The following GLCCI1 variants were observed in gnomAD, a reference collection of about 807,000 sequenced individuals.
GLCCI1 encodes glucocorticoid induced 1, also known as glucocorticoid-induced transcript 1 protein.
GLCCI1 carries 24 observed loss-of-function variants against 52.2 expected under a neutral mutation model. The ratio of observed to expected loss-of-function variants is 0.46; its 90% CI spans 0.33 to 0.65. GLCCI1 has a LOEUF of 0.65. Among genes scored for constraint, GLCCI1 ranks in the 30% least tolerant of loss-of-function variants. GLCCI1 has a pLI of 0.02. For missense variants in GLCCI1, 704 were observed against 701.5 expected (o/e 1.00, Z -0.04); for synonymous variants, 310 against 276.5 (o/e 1.12, Z -1.20).
chr7:7,999,869 C>T (rs1781018608), intron 1 of GLCCI1, among the ~76,000 whole-genome samples: 1 of 152,134 alleles, frequency 6.6e-6, no homozygotes, highest in Non-Finnish European at 1.5e-5. Flanking sequence ...TGCCACTGTC[C>T]TCTAGCCCTG....
rs1352295169 is a variant in GLCCI1 at position 7,969,823 on chromosome 7, C to G, written c.457+16C>G. On this transcript the variant is annotated intron_variant, in intron 1 of 7. Transcript: ENST00000223145. The surrounding 1 kb of genome is among the most constrained non-coding windows in gnomAD (Gnocchi z 4.9). ...GTGTGCAGAGGTAGCGAGCCCAACC[C>G]TCCCGTCCTCCCGGGCTGCGTCTCC... 5 of 1,425,816 alleles carry G rather than the reference C, an allele frequency of 3.5e-6. No homozygotes were observed. The highest frequency in any genetic ancestry group is 4.6e-6 in the Non-Finnish European group (5 of 1,088,016). The allele number at this position is 1,425,816 out of a possible 1,614,324, so 88.3% of individuals were successfully genotyped here.
At chr7:8,017,592 C>G (rs1431788536) in intron 2 of GLCCI1, among the ~76,000 whole-genome samples, 1 of 152,080 alleles carries the variant, frequency 6.6e-6, no homozygotes, top group East Asian at 1.9e-4. Flanking sequence ...CACTTTGAAA[C>G]TGGTCTAACA....
In GLCCI1 at chr7:8,060,187, T is replaced by TAAA; in HGVS notation, c.907_908insAAA (p.Ile302_Ser303insLys). 1.2e-6 allele frequency: 2 copies of TAAA among 1,612,832 alleles called. No homozygotes were observed. Among genetic ancestry groups the TAAA allele is most frequent in the Non-Finnish European group, 1.7e-6 (2 of 1,178,894 alleles). Reference sequence around the variant, plus strand: ...CGTGTGCCCTGCAATGTAGAAGGAATAAGTCCTGAATTAGAAAAGGTATTC... The same window carrying TAAA: ...CGTGTGCCCTGCAATGTAGAAGGAATAAAAAGTCCTGAATTAGAAAAGGTATTC... On this transcript the variant is annotated inframe_insertion, in exon 5 of 8. Coordinates refer to ENST00000223145, the MANE Select transcript of GLCCI1 (RefSeq NM_138426.4).
chr7:8,060,128 G>T lies in GLCCI1; in HGVS notation c.846G>T (p.Leu282=), dbSNP rs773535016. Residue 282 remains leucine, a synonymous_variant, in exon 5 of 8, where the codon CTG becomes CTT. Transcript: ENST00000223145. Reference sequence around the variant, plus strand: ...GATCAAGGTCAGTTCCTATGCCACTGTCAAATATATCAGTGCCAAAATCAT... The same window carrying T: ...GATCAAGGTCAGTTCCTATGCCACTTTCAAATATATCAGTGCCAAAATCAT... ...ATGSRSVPMP[L]SNISVPKSSV... 1 of 1,613,500 alleles carries T rather than the reference G, an allele frequency of 6.2e-7. No individual in the cohort carries two copies. Among genetic ancestry groups the T allele is most frequent in the Non-Finnish European group, 8.5e-7 (1 of 1,179,760 alleles).
chr7:8,037,571 T>G (rs1054841032), intron 3 of GLCCI1, among the ~76,000 whole-genome samples: 1 of 152,060 alleles, frequency 6.6e-6, no homozygotes, highest in Non-Finnish European at 1.5e-5. Flanking sequence ...CATAAATGGG[T>G]TAAATGCTCC....
Position 8,023,588 on chromosome 7 carries a change from C to CTTTTTTTTTTT in GLCCI1, c.696+1037_696+1047dup. Among the ~76,000 whole-genome samples, 329 of 41,986 alleles carry CTTTTTTTTTTT rather than the reference C, an allele frequency of 7.8e-3. 86 individuals carry two copies. The highest frequency in any genetic ancestry group is 0.042 in the Middle Eastern group (1 of 24). 27.5% of individuals were successfully genotyped at this position (41,986 alleles called of 152,430 possible). The stretch of plus-strand genomic sequence containing the variant: ...AGATGGTCATCTAATCTCTGTTATT[C>CTTTTTTTTTTT]TTTTTTTTTTTTTTTTTTTTTTTTT... On this transcript the variant is annotated intron_variant, in intron 3 of 7. Transcript: ENST00000223145.
chr7:7,976,498 AGGAAAGG>A lies in GLCCI1; in HGVS notation c.457+6692_457+6698del, dbSNP rs1385286277. On this transcript the variant is annotated intron_variant, in intron 1 of 7. Transcript: ENST00000223145. ...CCATCTCAAAAAAAAAAAAAAAAAAAGGAAAGGAAAAAGGAAAGGAGAAAGGAAAAAG... is the reference window on the plus strand; with the variant it reads ...CCATCTCAAAAAAAAAAAAAAAAAAAAAAAAGGAAAGGAGAAAGGAAAAAG... Among the ~76,000 whole-genome samples, 502 of 133,012 alleles carry A rather than the reference AGGAAAGG, an allele frequency of 3.8e-3. 3 individuals are homozygous for A. The highest frequency in any genetic ancestry group is 8.9e-3 in the African/African-American group (291 of 32,514). 87.3% of individuals were successfully genotyped at this position (133,012 alleles called of 152,430 possible).
chr7:8,048,642 A>G (rs1782189015), intron 3 of GLCCI1, among the ~76,000 whole-genome samples: 1 of 152,110 alleles, frequency 6.6e-6, no homozygotes, highest in African/African-American at 2.4e-5. Context: ...TAGGTATTAG[A>G]TTTGATTTTA....
At chr7:8,023,004 T>C (rs1049417022) in intron 3 of GLCCI1, among the ~76,000 whole-genome samples, 1 of 152,156 alleles carries the variant, frequency 6.6e-6, no homozygotes, top group African/African-American at 2.4e-5. Flanking sequence ...GGTAGGATAG[T>C]GTTTTCTGTT....
rs559599339 is a variant in GLCCI1 at position 8,078,102 on chromosome 7, C to T, written c.1178-6795C>T. The stretch of plus-strand genomic sequence containing the variant: ...ACAAAAAATGAGCCGGGCGTGGTGG[C>T]GGGCACCTGTAGTCCCAGCTACTCG... On this transcript the variant is annotated intron_variant, in intron 6 of 7. Transcript: ENST00000223145. 6.7e-5 allele frequency among the ~76,000 whole-genome samples: 10 copies of T among 149,082 alleles called. No individual in the cohort carries two copies. In the East Asian group the frequency reaches 8.2e-4, roughly 12 times the overall value.
chr7:7,983,763 G>A (rs190572846), intron 1 of GLCCI1, among the ~76,000 whole-genome samples: 2 of 152,178 alleles, frequency 1.3e-5, no homozygotes, highest in African/African-American at 4.8e-5. Flanking sequence ...GATTATATTT[G>A]TGTTGCCCAT....
intron 1 of GLCCI1, among the ~76,000 whole-genome samples, chr7:7,982,632 C>T (rs1780645503): frequency 6.6e-6 from 1 of 152,000 alleles, no homozygotes; most frequent in Non-Finnish European, 1.5e-5. Flanking sequence ...CCCCTAAGAA[C>T]CCTCTCCCTC....
At chr7:7,984,367 T>C (rs1006770110) in intron 1 of GLCCI1, among the ~76,000 whole-genome samples, 1 of 152,208 alleles carries the variant, frequency 6.6e-6, no homozygotes, top group Non-Finnish European at 1.5e-5. Context: ...GAATCTGTTA[T>C]ACTTAGAGAA....
At chr7:7,998,014 T>C (rs1780969819) in intron 1 of GLCCI1, among the ~76,000 whole-genome samples, 2 of 151,736 alleles carry the variant, frequency 1.3e-5, no homozygotes, top group Non-Finnish European at 2.9e-5. Context: ...TATAAAAATT[T>C]TCAGACTTAG....
At chr7:8,003,093 T>G (rs1224187620) in intron 1 of GLCCI1, among the ~76,000 whole-genome samples, 1 of 152,250 alleles carries the variant, frequency 6.6e-6, no homozygotes, top group African/African-American at 2.4e-5. Context: ...ATAAATTCAT[T>G]AAGTGAGTAT....
At chr7:8,044,804 G>A (rs527575447) in intron 3 of GLCCI1, among the ~76,000 whole-genome samples, 4 of 152,202 alleles carry the variant, frequency 2.6e-5, no homozygotes, top group East Asian at 3.9e-4. Flanking sequence ...AGAATGCAAT[G>A]TGAAAAAATT....
rs771224097 is a variant in GLCCI1, at chr7:7,969,361, C to T, written c.11C>T (p.Ala4Val). MST[A>V]SSSSSSSSSQ... ...GCCCGCAGAGCCACCATGTCCACTG[C>T]CTCCTCCTCCTCCTCCTCCAGTTCC... The change falls in exon 1 of 8, where the codon GCC becomes GTC. Residue 4 changes from alanine to valine, a missense_variant. Physicochemically the swap from Ala to Val is moderately conservative, Grantham distance 64 (BLOSUM62 0). Around this residue, in one of 3 missense-constraint regions of GLCCI1, gnomAD observed 547 missense variants for 524.8 expected, o/e 1.04. Transcript: ENST00000223145. This position sits in a 1 kb window ranked among gnomAD's most constrained non-coding sequence, Gnocchi z 4.9. 7.2e-5 allele frequency: 96 copies of T among 1,337,162 alleles called. No homozygotes were observed. Among genetic ancestry groups the T allele is most frequent in the Non-Finnish European group, 8.8e-5 (90 of 1,017,244 alleles). The allele number at this position is 1,337,162 out of a possible 1,614,324, so 82.8% of individuals were successfully genotyped here.
At chr7:7,972,898 A>G (rs1025168919) in intron 1 of GLCCI1, among the ~76,000 whole-genome samples, 1 of 152,226 alleles carries the variant, frequency 6.6e-6, no homozygotes, top group Non-Finnish European at 1.5e-5. Flanking sequence ...TATAGCAGAC[A>G]TGGAGTTTTA....
intron 1 of GLCCI1, among the ~76,000 whole-genome samples, chr7:7,984,667 A>G (rs1342101370): frequency 6.6e-6 from 1 of 152,246 alleles, no homozygotes; most frequent in Non-Finnish European, 1.5e-5. Flanking sequence ...GTTGAGGTTC[A>G]TCTGAGGTTG....
Sources: allele counts gnomAD v4.1 joint callset (sites outside exome capture counted in the v4.1 genomes callset), GRCh38; gene constraint gnomAD v4.1.1; regional missense constraint gnomAD v4.1.1; non-coding constraint Gnocchi (gnomAD v3.1); transcripts MANE v1.5; gene names NCBI Gene and HGNC (gene_info 2026-07-23, HGNC 2026-07-21).